Variants in KCNB2 observed in about 807,000 individuals in gnomAD.
KCNB2 encodes the protein potassium voltage-gated channel subfamily B member 2.
In KCNB2, 15 loss-of-function variants were observed where a neutral mutation model predicts 61.5. The observed-to-expected ratio is 0.24, with a 90% confidence interval of 0.16 to 0.38. The LOEUF (loss-of-function observed/expected upper bound fraction) is 0.38. Ranked by LOEUF, KCNB2 falls within the 10% of genes least tolerant of loss-of-function variation. The probability of loss-of-function intolerance (pLI) is 1.00; values close to 1 mark genes in which losing one functional copy is unlikely to be tolerated. For missense variants in KCNB2, 828 were observed against 1,125.2 expected (o/e 0.74, Z 3.78); for synonymous variants, 457 against 446.0 (o/e 1.02, Z -0.31).
At chr8:72,652,166 C>A (rs1806220790) in intron 2 of KCNB2, among the ~76,000 whole-genome samples, 1 of 152,106 alleles carries the variant, frequency 6.6e-6, no homozygotes, top group African/African-American at 2.4e-5. Flanking sequence ...TTTCTCAAGG[C>A]AAAATCAACT....
chr8:72,803,024 G>A (rs1275442253), intron 2 of KCNB2, among the ~76,000 whole-genome samples: 1 of 152,060 alleles, frequency 6.6e-6, no homozygotes, highest in African/African-American at 2.4e-5. Flanking sequence ...AAAGTTGTGC[G>A]ACCTAGAAAA....
intron 2 of KCNB2, among the ~76,000 whole-genome samples, chr8:72,611,888 A>G (rs1435809822): frequency 6.6e-6 from 1 of 152,154 alleles, no homozygotes; most frequent in East Asian, 1.9e-4. Flanking sequence ...TCAAATGGGA[A>G]CAATAGGATT....
At chr8:72,649,496 C>T (rs1806181131) in intron 2 of KCNB2, among the ~76,000 whole-genome samples, 1 of 152,268 alleles carries the variant, frequency 6.6e-6, no homozygotes, top group Admixed American at 6.5e-5. Flanking sequence ...GCTATGCTCA[C>T]TTCCTGGGTG....
intron 1 of KCNB2, among the ~76,000 whole-genome samples, chr8:72,552,915 C>T (rs1263540267): frequency 1.3e-5 from 2 of 151,934 alleles, no homozygotes; most frequent in Non-Finnish European, 2.9e-5. Context: ...TCTCTCCTTC[C>T]TCTCTTACTG....
intron 2 of KCNB2, among the ~76,000 whole-genome samples, chr8:72,633,407 A>G (rs1346337008): frequency 6.6e-6 from 1 of 152,132 alleles, no homozygotes; most frequent in Non-Finnish European, 1.5e-5. Flanking sequence ...AATCCAGGAT[A>G]ATCTCCCTAT....
At chr8:72,752,274 G>C (rs1808203294) in intron 2 of KCNB2, among the ~76,000 whole-genome samples, 2 of 152,176 alleles carry the variant, frequency 1.3e-5, no homozygotes, top group South Asian at 4.1e-4. Context: ...AGCTATGATA[G>C]TTAATTTCAT....
chr8:72,748,696 A>T (rs1390396205), intron 2 of KCNB2, among the ~76,000 whole-genome samples: 1 of 126,086 alleles, frequency 7.9e-6, no homozygotes, highest in African/African-American at 3.1e-5. Context: ...CTGATTTTTT[A>T]AATTTTATTT....
At chr8:72,738,553 G>A (rs973330018) in intron 2 of KCNB2, among the ~76,000 whole-genome samples, 11 of 152,114 alleles carry the variant, frequency 7.2e-5, no homozygotes, top group African/African-American at 2.4e-5. Flanking sequence ...AGCCAGCCCC[G>A]GCTATGTGTC....
At chr8:72,873,612 A>G (rs1805652840) in intron 2 of KCNB2, among the ~76,000 whole-genome samples, 1 of 152,262 alleles carries the variant, frequency 6.6e-6, no homozygotes, top group Non-Finnish European at 1.5e-5. Context: ...CAACAGGTGA[A>G]CAAGAACCCA....
At chr8:72,642,611 A>C (rs1420864782) in intron 2 of KCNB2, among the ~76,000 whole-genome samples, 2 of 152,124 alleles carry the variant, frequency 1.3e-5, no homozygotes, top group Admixed American at 1.3e-4. Flanking sequence ...GGATAGTTGC[A>C]ACAATGACTG....
intron 2 of KCNB2, among the ~76,000 whole-genome samples, chr8:72,707,912 G>C (rs1029181547): frequency 1.3e-5 from 2 of 152,210 alleles, no homozygotes; most frequent in Non-Finnish European, 2.9e-5. Flanking sequence ...CAAAGGTGGA[G>C]AGGGAGAGGG....
intron 2 of KCNB2, among the ~76,000 whole-genome samples, chr8:72,866,561 T>G (rs768337415): frequency 2.0e-5 from 3 of 152,172 alleles, no homozygotes; most frequent in Non-Finnish European, 4.4e-5. Context: ...GAGTTAAGCT[T>G]AAAATTCTTG....
intron 2 of KCNB2, among the ~76,000 whole-genome samples, chr8:72,884,155 T>C (rs1418087303): frequency 1.3e-5 from 2 of 152,224 alleles, no homozygotes; most frequent in Non-Finnish European, 1.5e-5. Context: ...TAAATTTTTG[T>C]TTTTTGATTT....
At chr8:72,752,629 G>A (rs1167237423) in intron 2 of KCNB2, among the ~76,000 whole-genome samples, 4 of 152,194 alleles carry the variant, frequency 2.6e-5, no homozygotes, top group Non-Finnish European at 4.4e-5. Context: ...TGTTCAAGGA[G>A]CTTAGAGTCT....
intron 2 of KCNB2, among the ~76,000 whole-genome samples, chr8:72,649,563 C>G (rs1436397239): frequency 6.6e-6 from 1 of 152,094 alleles, no homozygotes. Context: ...TGTTACAAAC[C>G]TGCATGTGTA....
intron 1 of KCNB2, among the ~76,000 whole-genome samples, chr8:72,543,886 G>A (rs951450797): frequency 1.3e-5 from 2 of 152,176 alleles, no homozygotes; most frequent in African/African-American, 2.4e-5. Flanking sequence ...ATTCTACTGT[G>A]TGGGTGGCTA....
rs141781410 is a variant in KCNB2 at position 72,581,893 on chromosome 8, T to C, written c.579+13580T>C. ...TCGGAACTGTGGGCTCTGGGAACTCTTGTCATAGGTAAAGTGTAGCCTTTG... is the reference window on the plus strand; with the variant it reads ...TCGGAACTGTGGGCTCTGGGAACTCCTGTCATAGGTAAAGTGTAGCCTTTG... On this transcript the variant is annotated intron_variant, in intron 2 of 2. Transcript: ENST00000523207. Among the ~76,000 whole-genome samples the C allele has an allele frequency of 4.1e-4, 63 of 152,300 alleles. 6 individuals are homozygous for C. Among genetic ancestry groups the C allele is most frequent in the African/African-American group, 1.5e-3 (62 of 41,556 alleles).
Position 72,666,136 on chromosome 8 carries a change from GCTTTATGGGAGC to G in KCNB2, c.579+97826_579+97837del, listed in dbSNP as rs1169878685. ...CTTGACACTATGAACTTTTCAAATTGCTTTATGGGAGCCTGCAACTTTCTTTTCTTTACAAAC... is the reference window on the plus strand; with the variant it reads ...CTTGACACTATGAACTTTTCAAATTGCTGCAACTTTCTTTTCTTTACAAAC... On this transcript the variant is annotated intron_variant, in intron 2 of 2. Transcript: ENST00000523207. Among the ~76,000 whole-genome samples, 4 of 152,112 alleles carry G rather than the reference GCTTTATGGGAGC, an allele frequency of 2.6e-5. No individual in the cohort carries two copies. In the South Asian group the frequency reaches 8.3e-4, roughly 32 times the overall value.
intron 2 of KCNB2, among the ~76,000 whole-genome samples, chr8:72,681,435 C>G (rs996142963): frequency 2.0e-5 from 3 of 152,068 alleles, no homozygotes; most frequent in African/African-American, 7.2e-5. Context: ...TCATCAATGT[C>G]ACTGTTTTCC....
Sources: allele counts gnomAD v4.1 joint callset (sites outside exome capture counted in the v4.1 genomes callset), GRCh38; gene constraint gnomAD v4.1.1; transcripts MANE v1.5; gene names NCBI Gene and HGNC (gene_info 2026-07-23, HGNC 2026-07-21).